Variants in ITPR3 observed in about 807,000 individuals in gnomAD.
ITPR3 encodes the protein inositol 1,4,5-trisphosphate receptor type 3, also known as inositol 1,4,5-trisphosphate-gated calcium channel ITPR3.
In ITPR3, 173 loss-of-function variants were observed where a neutral mutation model predicts 293.2. That is an observed-to-expected ratio of 0.59 (90% CI 0.52 to 0.67). The LOEUF is 0.67. ITPR3 is among the 30% of genes least tolerant of loss of function. ITPR3 has a pLI of 0.00. For synonymous variants in ITPR3, 1,295 were observed against 1,444.4 expected (o/e 0.90, Z 2.35); for missense variants, 2,796 against 3,592.1 (o/e 0.78, Z 5.66).
chr6:33,682,723 A>G lies in ITPR3; in HGVS notation c.4597+79A>G. ...GTGGGGACGCCTGCCCTCCTAATAAACACTTTATCCCTAAGCTCGCCCATC... is the reference window on the plus strand; with the variant it reads ...GTGGGGACGCCTGCCCTCCTAATAAGCACTTTATCCCTAAGCTCGCCCATC... On this transcript the variant is annotated intron_variant, in intron 34 of 57. Transcript: ENST00000605930. This position sits in a 1 kb window ranked among gnomAD's most constrained non-coding sequence, Gnocchi z 5.4. The G allele has an allele frequency of 6.7e-7, 1 of 1,502,774 alleles. No individual in the cohort carries two copies. The highest frequency in any genetic ancestry group is 1.5e-5 in the African/African-American group (1 of 68,556). 93.1% of individuals were successfully genotyped at this position (1,502,774 alleles called of 1,614,324 possible).
intron 1 of ITPR3, among the ~76,000 whole-genome samples, chr6:33,622,914 G>A (rs193079524): frequency 1.9e-3 from 294 of 152,286 alleles, no homozygotes; most frequent in African/African-American, 6.8e-3. Flanking sequence ...TGCCCTGCTC[G>A]CCTTCTCGCA....
intron 9 of ITPR3, 39 bp downstream of exon 9, chr6:33,663,045 G>T (rs1764515610): frequency 1.3e-6 from 2 of 1,528,154 alleles, no homozygotes; most frequent in East Asian, 4.8e-5. Context: ...GCTCGTGTGT[G>T]CATGTACACG....
At chr6:33,668,002 T>C (rs770532477) in intron 16 of ITPR3, 38 bp downstream of exon 16, 3 of 1,606,742 alleles carry the variant, frequency 1.9e-6, no homozygotes, top group Non-Finnish European at 2.6e-6. Context: ...CGCCTGCTCC[T>C]CCCTCCTCCC....
chr6:33,658,075 T>C lies in ITPR3; in HGVS notation c.369+57T>C. On this transcript the variant is annotated intron_variant, in intron 4 of 57. Coordinates refer to ENST00000605930, the MANE Select transcript of ITPR3 (RefSeq NM_002224.4). The surrounding 1 kb of genome is among the most constrained non-coding windows in gnomAD (Gnocchi z 6.1). Reference sequence around the variant, plus strand: ...CCTCTCCCTGCCTAAGAGGCTGGGCTGGTGCTGGGTGAGGGCTGCCAGCAG... The same window carrying C: ...CCTCTCCCTGCCTAAGAGGCTGGGCCGGTGCTGGGTGAGGGCTGCCAGCAG... The C allele has an allele frequency of 1.4e-6, 2 of 1,475,746 alleles. No homozygotes were observed. Among genetic ancestry groups the C allele is most frequent in the South Asian group, 2.3e-5 (2 of 86,186 alleles). The allele number at this position is 1,475,746 out of a possible 1,614,324, so 91.4% of individuals were successfully genotyped here.
rs1410435417 is a variant in ITPR3 at position 33,665,785 on chromosome 6, C to T, written c.1410-50C>T. 20 of 1,604,886 alleles carry T rather than the reference C, an allele frequency of 1.2e-5. 1 individual carries two copies. The South Asian group carries it at 1.4e-4, about 12-fold the overall frequency. ...AGGGACTGGCTCCCCAAGAGGGACA[C>T]CTGCTGGGTGGGTATCTCACACTCG... On this transcript the variant is annotated intron_variant, in intron 13 of 57. Transcript: ENST00000605930.
Position 33,664,792 on chromosome 6 carries a change from T to C in ITPR3, c.1149-78T>C, listed in dbSNP as rs549124418. On this transcript the variant is annotated intron_variant, in intron 11 of 57. Transcript: ENST00000605930. The surrounding 1 kb of genome is among the most constrained non-coding windows in gnomAD (Gnocchi z 4.4). The stretch of plus-strand genomic sequence containing the variant: ...AGTAGGGTGGCAGCTGTGGCAGTGT[T>C]GGGGAGGTAGGCCGGCAGGCAGCAT... 5 of 1,258,290 alleles carry C rather than the reference T, an allele frequency of 4.0e-6. No homozygotes were observed. The South Asian group carries it at 5.0e-5, about 13-fold the overall frequency. The allele number at this position is 1,258,290 out of a possible 1,614,324, so 77.9% of individuals were successfully genotyped here.
Position 33,624,376 on chromosome 6 carries a change from A to C in ITPR3, c.89+2685A>C, listed in dbSNP as rs1239748218. ...CTGCTTCCTTGGAAGTTAAGAGTCA[A>C]AGAAGGAATGATTTGTAAGTGCTGT... On this transcript the variant is annotated intron_variant, in intron 1 of 57. Transcript: ENST00000605930. This position sits in a 1 kb window ranked among gnomAD's most constrained non-coding sequence, Gnocchi z 4.7. Among the ~76,000 whole-genome samples, 1 of 152,190 alleles carries C rather than the reference A, an allele frequency of 6.6e-6. No individual in the cohort carries two copies. Among genetic ancestry groups the C allele is most frequent in the African/African-American group, 2.4e-5 (1 of 41,442 alleles).
chr6:33,648,066 CTTT>C (rs35776559), intron 2 of ITPR3, among the ~76,000 whole-genome samples: 7 of 130,406 alleles, frequency 5.4e-5, no homozygotes, highest in African/African-American at 5.4e-5. Context: ...ATTTCTTTTT[CTTT>C]TTTTTTTTTT....
chr6:33,659,215 C>G (rs757628566), intron 6 of ITPR3, 96 bp downstream of exon 6: 1 of 1,169,174 alleles, frequency 8.6e-7, no homozygotes, highest in Non-Finnish European at 1.3e-6. Context: ...CTGCCTCCAG[C>G]CCCATCTGAC....
chr6:33,661,257 A>C (rs1047675079), intron 7 of ITPR3, among the ~76,000 whole-genome samples: 1 of 152,152 alleles, frequency 6.6e-6, no homozygotes, highest in Non-Finnish European at 1.5e-5. Context: ...TGTTCAGTGG[A>C]GGGAAGACAG....
At chr6:33,680,799 A>T in intron 33 of ITPR3, 119 bp downstream of exon 33, 8 of 1,161,296 alleles carry the variant, frequency 6.9e-6, no homozygotes, top group Non-Finnish European at 9.5e-6. Context: ...TAACAAAAGG[A>T]TACATAAGTG....
Position 33,664,554 on chromosome 6 carries a change from ATAGT to A in ITPR3, c.1149-313_1149-310del, listed in dbSNP as rs1210232152. 2.0e-5 allele frequency among the ~76,000 whole-genome samples: 3 copies of A among 152,208 alleles called. No individual in the cohort carries two copies. Among genetic ancestry groups the A allele is most frequent in the Admixed American group, 6.5e-5 (1 of 15,284 alleles). ...TGCATCTTGACATTCAATGGGATAA[ATAGT>A]TAAATAGCCTCATTTGTCCAAATGA... On this transcript the variant is annotated intron_variant, in intron 11 of 57. Transcript: ENST00000605930. This position sits in a 1 kb window ranked among gnomAD's most constrained non-coding sequence, Gnocchi z 4.4.
chr6:33,661,767 G>C (rs1764474028), intron 7 of ITPR3, among the ~76,000 whole-genome samples: 1 of 151,942 alleles, frequency 6.6e-6, no homozygotes, highest in African/African-American at 2.4e-5. Flanking sequence ...AGCTGAGGTG[G>C]GTGAATTGCC....
chr6:33,629,180 T>G (rs1449672473), intron 1 of ITPR3, among the ~76,000 whole-genome samples: 3 of 146,250 alleles, frequency 2.1e-5, no homozygotes, highest in African/African-American at 7.6e-5. Context: ...ACATTTGATA[T>G]TTGTATTTTT....
In ITPR3 at chr6:33,691,731, G is replaced by A. The variant is rs1415308103; in HGVS notation, c.7330+12G>A. The A allele has an allele frequency of 1.2e-6, 2 of 1,613,972 alleles. No individual in the cohort carries two copies. Among genetic ancestry groups the A allele is most frequent in the Non-Finnish European group, 1.7e-6 (2 of 1,179,950 alleles). Reference sequence around the variant, plus strand: ...TGAGGTCCTGGAAGGTGAGGGTGGTGTGTGTGCAGGAGTCTGTGTGGGGTA... The same window carrying A: ...TGAGGTCCTGGAAGGTGAGGGTGGTATGTGTGCAGGAGTCTGTGTGGGGTA... On this transcript the variant is annotated intron_variant, in intron 53 of 57. Transcript: ENST00000605930. The surrounding 1 kb of genome is among the most constrained non-coding windows in gnomAD (Gnocchi z 4.9).
Position 33,685,737 on chromosome 6 carries a change from G to A in ITPR3, c.5577G>A (p.Gln1859=), listed in dbSNP as rs779408918. Residue 1859 remains glutamine (Q), a synonymous_variant, in exon 41 of 58, where the codon CAG becomes CAA. Transcript: ENST00000605930. ...GGCACGAGGTGAGCGAACGTGTGCA[G>A]AGCAGTGAGATGGGCACATCCGTGC... ...RRGHEVSERV[Q]SSEMGTSVLI... is the part of the protein sequence containing the mutation. 1 of 1,608,966 alleles carries A rather than the reference G, an allele frequency of 6.2e-7. No homozygotes were observed. Among genetic ancestry groups the A allele is most frequent in the South Asian group, 1.1e-5 (1 of 90,792 alleles).
rs1014003316 is a variant in ITPR3, at chr6:33,621,593, G to A, written c.-10G>A. 2 of 1,580,684 alleles carry A rather than the reference G, an allele frequency of 1.3e-6. No individual in the cohort carries two copies. The highest frequency in any genetic ancestry group is 1.7e-6 in the Non-Finnish European group (2 of 1,162,094). On this transcript the variant is annotated 5_prime_UTR_variant, in exon 1 of 58. Transcript: ENST00000605930. The surrounding 1 kb of genome is among the most constrained non-coding windows in gnomAD (Gnocchi z 7.7). ...GCCCCCCACGCCCTGGGCCCCGGAG[G>A]GCCGCAGCCATGAGTGAAATGTCCA...
chr6:33,657,151 G>A (rs1385305314), intron 3 of ITPR3, among the ~76,000 whole-genome samples: 7 of 152,216 alleles, frequency 4.6e-5, no homozygotes, highest in Non-Finnish European at 1.0e-4. Context: ...CTTCGCCTCG[G>A]TCTCAGTAAA....
Position 33,683,195 on chromosome 6 carries a change from C to A in ITPR3, c.4598-12C>A. The A allele has an allele frequency of 6.6e-7, 1 of 1,506,374 alleles. No individual in the cohort carries two copies. The highest frequency in any genetic ancestry group is 8.9e-7 in the Non-Finnish European group (1 of 1,117,754). 93.3% of individuals were successfully genotyped at this position (1,506,374 alleles called of 1,614,324 possible). A position where few individuals can be genotyped will look rare whatever the true frequency, so the allele number is the denominator to read the frequency against. ...GCACCAGCACTCCAGCACTCCCTCCCTTCCCACCCAGCCAAGGGCCGGGCC... is the reference window on the plus strand; with the variant it reads ...GCACCAGCACTCCAGCACTCCCTCCATTCCCACCCAGCCAAGGGCCGGGCC... On this transcript the variant is annotated splice_polypyrimidine_tract_variant and intron_variant, in intron 34 of 57. Coordinates refer to ENST00000605930, the MANE Select transcript of ITPR3 (RefSeq NM_002224.4). The surrounding 1 kb of genome is among the most constrained non-coding windows in gnomAD (Gnocchi z 4.5).
Sources: gnomAD v4.1 joint callset for allele counts (sites outside exome capture counted in the v4.1 genomes callset) on GRCh38, gnomAD v4.1.1 for gene constraint, Gnocchi (gnomAD v3.1) non-coding constraint, MANE v1.5 for transcripts, NCBI Gene and HGNC (gene_info 2026-07-23, HGNC 2026-07-21) for gene names.